Variants in TGFB2 observed in about 807,000 individuals in gnomAD.
TGFB2 encodes the protein transforming growth factor beta-2 proprotein.
In TGFB2, 13 loss-of-function variants were observed where a neutral mutation model predicts 42.7. The observed-to-expected ratio is 0.30, with a 90% CI of 0.20 to 0.48. The LOEUF is 0.48. Among genes scored for constraint, TGFB2 ranks in the 20% least tolerant of loss-of-function variants. The pLI is 0.99. For synonymous variants in TGFB2, 193 were observed against 193.6 expected, an observed-to-expected ratio of 1.00 and a Z score of 0.03; for missense variants, 390 against 517.5, an observed-to-expected ratio of 0.75 and a Z score of 2.39.
At chr1:218,413,928 T>A (rs948180360) in intron 2 of TGFB2, among the ~76,000 whole-genome samples, 2 of 152,202 alleles carry the variant, frequency 1.3e-5, no homozygotes, top group Non-Finnish European at 2.9e-5. Flanking sequence ...TTTTCAGACT[T>A]GAGGATGATA....
intron 1 of TGFB2, among the ~76,000 whole-genome samples, chr1:218,353,935 G>T (rs1281994681): frequency 6.6e-6 from 1 of 152,130 alleles, no homozygotes; most frequent in African/African-American, 2.4e-5. Flanking sequence ...TTAGTCAGAT[G>T]CCACCTCCTT....
chr1:218,420,086 G>A (rs1275019178), intron 2 of TGFB2, among the ~76,000 whole-genome samples: 1 of 152,196 alleles, frequency 6.6e-6, no homozygotes, highest in African/African-American at 2.4e-5. Flanking sequence ...TAGTGTTAAA[G>A]TCAGAGTGGA....
At chr1:218,396,624 A>G (rs947532652) in intron 1 of TGFB2, among the ~76,000 whole-genome samples, 1 of 152,048 alleles carries the variant, frequency 6.6e-6, no homozygotes, top group African/African-American at 2.4e-5. Flanking sequence ...TATAGAAAGT[A>G]AGTCCCTGAA....
rs903509703 is a variant in TGFB2, at chr1:218,443,584, T to A, written c.*2222T>A. On this transcript the variant is annotated 3_prime_UTR_variant, in exon 7 of 7. Coordinates refer to ENST00000366930, the MANE Select transcript of TGFB2 (RefSeq NM_003238.6). ...CTTCCACTTTTCTATTATGTGTAAA[T>A]CACTTTTATTTCTGCAGACATTTTC... 6.6e-6 allele frequency: 1 copy of A among 152,200 alleles called. No individual in the cohort carries two copies. The highest frequency in any genetic ancestry group is 1.5e-5 in the Non-Finnish European group (1 of 68,030). The allele number at this position is 152,200 out of a possible 1,614,324, so 9.4% of individuals were successfully genotyped here.
At chr1:218,378,026 A>T (rs985579447) in intron 1 of TGFB2, among the ~76,000 whole-genome samples, 1 of 152,048 alleles carries the variant, frequency 6.6e-6, no homozygotes, top group Non-Finnish European at 1.5e-5. Context: ...CCCAGGCTGG[A>T]GTGCAGTGGT....
chr1:218,394,082 T>G lies in TGFB2; in HGVS notation c.347-11087T>G, dbSNP rs527992344. ...CCACCATGCCTGGCTAATTTTTTTT[T>G]GTATTTTTAGTAGAGACGGGGTTTC... is the stretch of plus-strand genomic sequence containing the variant. On this transcript the variant is annotated intron_variant, in intron 1 of 6. Transcript: ENST00000366930. 7.9e-5 allele frequency among the ~76,000 whole-genome samples: 12 copies of G among 152,206 alleles called. No homozygotes were observed. In the East Asian group the frequency reaches 2.3e-3, roughly 29 times the overall value.
rs370808888 is a variant in TGFB2, at chr1:218,347,037, C to G, written c.336C>G (p.Phe112Leu). 3.2e-6 allele frequency: 5 copies of G among 1,583,720 alleles called. No homozygotes were observed. The African/African-American group carries it at 6.7e-5, about 21-fold the overall frequency. Residue 112 changes from phenylalanine to leucine, a missense_variant, in exon 1 of 7, where the codon TTC becomes TTG. Phe to Leu is a conservative substitution (Grantham distance 22, BLOSUM62 0). Transcript: ENST00000366930. Reference protein sequence around the residue: ...EVYKIDMPPFFPSENAIPPTF... With the variant: ...EVYKIDMPPFLPSENAIPPTF... ...ACAAAATAGACATGCCGCCCTTCTT[C>G]CCCTCCGAAAGTAAGTACTTATTTT...
At position 218,423,714 on chromosome 1, in the gene TGFB2, C is replaced by T. The variant is rs181177696; in HGVS notation, c.511-10368C>T. Among the ~76,000 whole-genome samples the T allele has an allele frequency of 9.9e-5, 15 of 152,230 alleles. No individual in the cohort carries two copies. The East Asian group carries it at 2.9e-3, about 29-fold the overall frequency. ...TGTTATCAATACTGAACTAAGGAATCTGGAGTTTATTCACTAGGCATTAGA... is the reference window on the plus strand; with the variant it reads ...TGTTATCAATACTGAACTAAGGAATTTGGAGTTTATTCACTAGGCATTAGA... On this transcript the variant is annotated intron_variant, in intron 2 of 6. Transcript: ENST00000366930.
chr1:218,435,932 G>T, intron 4 of TGFB2, 38 bp from the exon 5 acceptor site: 1 of 1,563,596 alleles, frequency 6.4e-7, no homozygotes, highest in Non-Finnish European at 8.7e-7. Flanking sequence ...TGATGAAGGT[G>T]AAGCTAAATG....
At chr1:218,355,469 G>C (rs1248097922) in intron 1 of TGFB2, among the ~76,000 whole-genome samples, 1 of 152,224 alleles carries the variant, frequency 6.6e-6, no homozygotes, top group African/African-American at 2.4e-5. Flanking sequence ...AGTTGTTAAA[G>C]AGTGGTCCTG....
chr1:218,375,085 A>T (rs1484326978), intron 1 of TGFB2, among the ~76,000 whole-genome samples: 1 of 152,206 alleles, frequency 6.6e-6, no homozygotes, highest in African/African-American at 2.4e-5. Context: ...AGGAAATTCA[A>T]GTCTAACCCT....
chr1:218,393,257 T>C (rs1658377265), intron 1 of TGFB2, among the ~76,000 whole-genome samples: 1 of 152,210 alleles, frequency 6.6e-6, no homozygotes, highest in South Asian at 2.1e-4. Context: ...TGAGCAAGAA[T>C]GTCCAATGCT....
intron 1 of TGFB2, among the ~76,000 whole-genome samples, chr1:218,349,462 T>C (rs990827778): frequency 6.6e-6 from 1 of 152,260 alleles, no homozygotes; most frequent in Non-Finnish European, 1.5e-5. Context: ...CAGCTGTCAC[T>C]GAAGTGGCTG....
chr1:218,422,373 A>C (rs943262145), intron 2 of TGFB2, among the ~76,000 whole-genome samples: 1 of 151,988 alleles, frequency 6.6e-6, no homozygotes, highest in Non-Finnish European at 1.5e-5. Context: ...GTGCACCACC[A>C]TGTCCAGCTA....
At chr1:218,436,223 G>T in intron 5 of TGFB2, 76 bp downstream of exon 5, 1 of 1,496,494 alleles carries the variant, frequency 6.7e-7, no homozygotes, top group African/African-American at 1.4e-5. Context: ...CTTTTACTGT[G>T]TATTGACCCA....
chr1:218,392,731 A>C (rs947692525), intron 1 of TGFB2, among the ~76,000 whole-genome samples: 22 of 152,252 alleles, frequency 1.4e-4, no homozygotes, highest in African/African-American at 4.8e-4. Flanking sequence ...AGAGAAATTG[A>C]ACATCAGCTG....
At chr1:218,360,501 T>G (rs1487054580) in intron 1 of TGFB2, among the ~76,000 whole-genome samples, 1 of 152,060 alleles carries the variant, frequency 6.6e-6, no homozygotes, top group Non-Finnish European at 1.5e-5. Context: ...CAACACACAC[T>G]GGGGTCTGTC....
At chr1:218,431,096 C>T (rs538620618) in intron 2 of TGFB2, among the ~76,000 whole-genome samples, 19 of 152,300 alleles carry the variant, frequency 1.2e-4, no homozygotes, top group African/African-American at 4.1e-4. Context: ...AGACAAAAGT[C>T]GCTACTGTGT....
chr1:218,428,720 G>A (rs1328271455), intron 2 of TGFB2, among the ~76,000 whole-genome samples: 5 of 152,266 alleles, frequency 3.3e-5, no homozygotes, highest in African/African-American at 1.2e-4. Context: ...CCAGCACCAT[G>A]CTTTTTTGGT....
Sources: allele counts gnomAD v4.1 joint callset (sites outside exome capture counted in the v4.1 genomes callset), GRCh38; gene constraint gnomAD v4.1.1; transcripts MANE v1.5; gene names NCBI Gene and HGNC (gene_info 2026-07-23, HGNC 2026-07-21).